Variants in SEMA5A observed in about 807,000 individuals in gnomAD.
The protein encoded by SEMA5A is semaphorin-5A.
A neutral mutation model predicts 135.5 loss-of-function variants in SEMA5A; 55 were observed. The ratio of observed to expected loss-of-function variants is 0.41; its 90% CI spans 0.33 to 0.51. The LOEUF (loss-of-function observed/expected upper bound fraction) is 0.51, where lower values mean the gene tolerates loss of function less well. Among genes scored for constraint, SEMA5A ranks in the 20% least tolerant of loss-of-function variants. The probability of loss-of-function intolerance (pLI) is 0.37; values close to 1 mark genes in which losing one functional copy is unlikely to be tolerated. For synonymous variants in SEMA5A, 580 were observed against 546.5 expected (o/e 1.06, Z -0.85); for missense variants, 1,290 against 1,419.9 (o/e 0.91, Z 1.47).
At chr5:9,464,454 T>A (rs1013179108) in intron 1 of SEMA5A, among the ~76,000 whole-genome samples, 1 of 152,248 alleles carries the variant, frequency 6.6e-6, no homozygotes, top group Non-Finnish European at 1.5e-5. Context: ...GTGAACTGTT[T>A]ACACTTTCCT....
intron 11 of SEMA5A, 92 bp downstream of exon 11, chr5:9,190,175 C>G: frequency 7.3e-7 from 1 of 1,375,994 alleles, no homozygotes; most frequent in South Asian, 1.3e-5. Context: ...AGGCGTAAAG[C>G]TTGAAATTGA....
intron 5 of SEMA5A, among the ~76,000 whole-genome samples, chr5:9,245,073 C>T (rs1287877620): frequency 3.9e-5 from 6 of 151,962 alleles, no homozygotes; most frequent in South Asian, 4.2e-4. Context: ...TTCTTGATAC[C>T]GCAGTCAACT....
At chr5:9,371,245 G>A (rs1042473032) in intron 3 of SEMA5A, among the ~76,000 whole-genome samples, 6 of 151,958 alleles carry the variant, frequency 3.9e-5, no homozygotes, top group East Asian at 3.8e-4. Context: ...GCCCTAGAAC[G>A]CAAAAGTAAC....
chr5:9,522,091 T>C (rs1395023520), intron 1 of SEMA5A, among the ~76,000 whole-genome samples: 1 of 152,156 alleles, frequency 6.6e-6, no homozygotes, highest in East Asian at 1.9e-4. Context: ...CAGCCCTTTC[T>C]TCTTCCCTCC....
chr5:9,355,488 C>T (rs146316024), intron 3 of SEMA5A, among the ~76,000 whole-genome samples: 9 of 152,190 alleles, frequency 5.9e-5, no homozygotes, highest in East Asian at 3.9e-4. Flanking sequence ...GGATAACACC[C>T]GAGATTTTCA....
intron 2 of SEMA5A, among the ~76,000 whole-genome samples, chr5:9,400,757 C>T (rs532718806): frequency 5.5e-5 from 3 of 54,302 alleles, no homozygotes; most frequent in African/African-American, 2.6e-4. Flanking sequence ...CCGCCCGCCT[C>T]GGCCTCCCAA....
At chr5:9,445,974 G>A (rs1212550496) in intron 1 of SEMA5A, among the ~76,000 whole-genome samples, 8 of 152,188 alleles carry the variant, frequency 5.3e-5, no homozygotes, top group Non-Finnish European at 5.9e-5. Context: ...CCCAGATCCA[G>A]CCTGAGACCC....
chr5:9,065,544 T>C (rs1404148737), intron 17 of SEMA5A, among the ~76,000 whole-genome samples: 1 of 152,228 alleles, frequency 6.6e-6, no homozygotes, highest in Non-Finnish European at 1.5e-5. Context: ...TAGAATCACC[T>C]GTGCAAAGAT....
chr5:9,440,573 G>A (rs1193088473), intron 1 of SEMA5A, among the ~76,000 whole-genome samples: 1 of 152,114 alleles, frequency 6.6e-6, no homozygotes, highest in Non-Finnish European at 1.5e-5. Flanking sequence ...GAACTATCTT[G>A]ACGACACTTT....
chr5:9,381,138 C>T (rs1275792381), intron 2 of SEMA5A, among the ~76,000 whole-genome samples: 1 of 152,056 alleles, frequency 6.6e-6, no homozygotes, highest in Non-Finnish European at 1.5e-5. Context: ...TACCATAGTA[C>T]ATTAATGTTA....
chr5:9,264,240 C>G (rs1261940767), intron 5 of SEMA5A, among the ~76,000 whole-genome samples: 1 of 151,708 alleles, frequency 6.6e-6, no homozygotes, highest in African/African-American at 2.4e-5. Context: ...TTCTATAAGC[C>G]AAGAAGAACC....
intron 19 of SEMA5A, among the ~76,000 whole-genome samples, chr5:9,052,795 A>G (rs1373231911): frequency 6.6e-6 from 1 of 152,054 alleles, no homozygotes; most frequent in East Asian, 1.9e-4. Flanking sequence ...AGACTCCTAT[A>G]TAAGTAAGAA....
chr5:9,464,238 C>A (rs573517395), intron 1 of SEMA5A, among the ~76,000 whole-genome samples: 45 of 152,270 alleles, frequency 3.0e-4, no homozygotes, highest in African/African-American at 9.9e-4. Context: ...GTATAACTTT[C>A]AAATGAGGCC....
intron 2 of SEMA5A, among the ~76,000 whole-genome samples, chr5:9,436,930 G>A (rs750280316): frequency 4.1e-5 from 6 of 145,370 alleles, no homozygotes; most frequent in African/African-American, 5.0e-5. Context: ...AGCACGATTC[G>A]TGGTGGGAAC....
intron 5 of SEMA5A, among the ~76,000 whole-genome samples, chr5:9,266,420 G>A (rs1749686548): frequency 6.7e-6 from 1 of 149,802 alleles, no homozygotes; most frequent in South Asian, 2.1e-4. Context: ...TCTTTAGAGG[G>A]CCATGGCTCC....
intron 5 of SEMA5A, among the ~76,000 whole-genome samples, chr5:9,303,231 C>T (rs1365731320): frequency 6.6e-6 from 1 of 151,940 alleles, no homozygotes; most frequent in Non-Finnish European, 1.5e-5. Flanking sequence ...ATTCTCCTGC[C>T]TCAGCCTCCC....
At chr5:9,173,534 C>T (rs185773697) in intron 11 of SEMA5A, among the ~76,000 whole-genome samples, 1 of 152,204 alleles carries the variant, frequency 6.6e-6, no homozygotes, top group East Asian at 1.9e-4. Context: ...TTCTGTGTCT[C>T]ACATAGTGGA....
intron 5 of SEMA5A, among the ~76,000 whole-genome samples, chr5:9,257,936 G>A (rs1749168695): frequency 6.6e-6 from 1 of 152,038 alleles, no homozygotes; most frequent in Admixed American, 6.6e-5. Context: ...GGGCAAGGAG[G>A]GTGTTAGGGT....
At chr5:9,439,682 A>C (rs1422085190) in intron 1 of SEMA5A, among the ~76,000 whole-genome samples, 1 of 152,252 alleles carries the variant, frequency 6.6e-6, no homozygotes, top group Non-Finnish European at 1.5e-5. Context: ...ATTCACAATC[A>C]GTAACACAAC....
Sources: allele counts gnomAD v4.1 joint callset (sites outside exome capture counted in the v4.1 genomes callset), GRCh38; gene constraint gnomAD v4.1.1; transcripts MANE v1.5; gene names NCBI Gene and HGNC (gene_info 2026-07-23, HGNC 2026-07-21).